Variants in NCOA6 observed in about 807,000 individuals in gnomAD.
NCOA6 encodes NRC RAP250.
In NCOA6, 49 loss-of-function variants were observed where a neutral mutation model predicts 171.4. That is an observed-to-expected ratio of 0.29 (90% CI 0.23 to 0.36). The LOEUF (loss-of-function observed/expected upper bound fraction) is 0.36. NCOA6 is among the 10% of genes least tolerant of loss of function. The probability of loss-of-function intolerance (pLI) is 1.00; values close to 1 mark genes in which losing one functional copy is unlikely to be tolerated. For synonymous variants in NCOA6, 910 were observed against 927.5 expected (o/e 0.98, Z 0.34); for missense variants, 2,248 against 2,554.5 (o/e 0.88, Z 2.59).
intron 14 of NCOA6, among the ~76,000 whole-genome samples, chr20:34,725,266 A>G (rs1285238595): frequency 1.3e-5 from 2 of 152,268 alleles, no homozygotes; most frequent in Non-Finnish European, 1.5e-5. Context: ...CTCCTGCCCT[A>G]ACCAAGTATA....
Position 34,742,465 on chromosome 20 carries a change from G to A in NCOA6, c.3791C>T (p.Pro1264Leu), listed in dbSNP as rs1211011087. ...PQINIPLPPR[P>L]NLNRGFDQQG... is the part of the protein sequence containing the mutation. The stretch of plus-strand genomic sequence containing the variant: ...TTGATCAAAGCCCCTGTTTAAATTT[G>A]GCCTAGGAGGTAAAGGAATATTAAT... Residue 1264 changes from proline to leucine, a missense_variant, in exon 11 of 15, where the codon CCA (proline) becomes CTA (leucine). Pro to Leu is a moderately conservative substitution (Grantham distance 98). This residue lies in a region of NCOA6 where 14 missense variants were observed against 17.6 expected (regional missense o/e 0.80). Coordinates refer to ENST00000359003, the MANE Select transcript of NCOA6 (RefSeq NM_014071.5). 1 of 1,614,154 alleles carries A rather than the reference G, an allele frequency of 6.2e-7. No individual in the cohort carries two copies. The highest frequency in any genetic ancestry group is 8.5e-7 in the Non-Finnish European group (1 of 1,180,020).
At position 34,758,785 on chromosome 20, in the gene NCOA6, C is replaced by A. The variant is rs1201014481; in HGVS notation, c.643+20G>T. ...CAGAAAGTTTCAGACTCTTCATCCT[C>A]AAAGATTGGAAGTCATTACCTGACT... On this transcript the variant is annotated intron_variant, in intron 6 of 14. Coordinates refer to ENST00000359003, the MANE Select transcript of NCOA6 (RefSeq NM_014071.5). 6.2e-7 allele frequency: 1 copy of A among 1,610,270 alleles called. No homozygotes were observed. Among genetic ancestry groups the A allele is most frequent in the East Asian group, 2.2e-5 (1 of 44,850 alleles).
intron 1 of NCOA6, among the ~76,000 whole-genome samples, chr20:34,806,137 G>T (rs1208889879): frequency 6.6e-6 from 1 of 152,118 alleles, no homozygotes; most frequent in Non-Finnish European, 1.5e-5. Flanking sequence ...ATCTCATTGT[G>T]GTTTTGATTT....
intron 5 of NCOA6, among the ~76,000 whole-genome samples, chr20:34,763,225 A>AG (rs2076870918): frequency 6.6e-6 from 1 of 152,148 alleles, no homozygotes; most frequent in Non-Finnish European, 1.5e-5. Flanking sequence ...TATCTTCTTC[A>AG]GGAACTCTTT....
intron 1 of NCOA6, among the ~76,000 whole-genome samples, chr20:34,794,255 C>T (rs2077989472): frequency 6.6e-6 from 1 of 152,054 alleles, no homozygotes; most frequent in Non-Finnish European, 1.5e-5. Context: ...CTGTAAATAG[C>T]CACTGCACTC....
Position 34,741,209 on chromosome 20 carries a change from G to A in NCOA6, c.5047C>T (p.Leu1683=). 6.2e-7 allele frequency: 1 copy of A among 1,614,272 alleles called. No individual in the cohort carries two copies. The highest frequency in any genetic ancestry group is 1.6e-4 in the Middle Eastern group (1 of 6,062). The change falls in exon 11 of 15, where the codon CTG becomes TTG. Residue 1683 remains leucine, a synonymous_variant. Coordinates refer to ENST00000359003, the MANE Select transcript of NCOA6 (RefSeq NM_014071.5). ...GGCATCAGGCCAGAGTTGGTTGTCA[G>A]TGGGGCTGCAGGAATTGTGCTTGGC... The part of the protein sequence containing the change: ...SQPSTIPAAP[L]TTNSGLMPPS...
intron 8 of NCOA6, among the ~76,000 whole-genome samples, chr20:34,753,122 A>G (rs908433809): frequency 1.3e-5 from 2 of 150,088 alleles, no homozygotes; most frequent in Non-Finnish European, 3.0e-5. Context: ...AGCTCACTGC[A>G]ACAACCTCTG....
At position 34,750,432 on chromosome 20, in the gene NCOA6, T is replaced by C. The variant is rs569540813; in HGVS notation, c.1763A>G (p.His588Arg). ...NMMQPSLMGIHGNMNNQQAGT... is the reference protein window; with the variant it reads ...NMMQPSLMGIRGNMNNQQAGT... ...AGCCTGCTGATTGTTCATGTTGCCA[T>C]GAATTCCCATGAGGCTGGGCTGCAT... The change falls in exon 9 of 15, where the codon CAT (histidine) becomes CGT (arginine). Residue 588 changes from histidine (H) to arginine (R), a missense_variant. Physicochemically the swap from His to Arg is conservative, Grantham distance 29. Around this residue, in one of 7 missense-constraint regions of NCOA6, gnomAD observed 987 missense variants for 1,104.7 expected, o/e 0.89. Transcript: ENST00000359003. The C allele has an allele frequency of 2.5e-6, 4 of 1,613,934 alleles. No homozygotes were observed. The highest frequency in any genetic ancestry group is 3.4e-6 in the Non-Finnish European group (4 of 1,180,012).
intron 10 of NCOA6, among the ~76,000 whole-genome samples, chr20:34,745,373 A>G (rs2076273029): frequency 6.6e-6 from 1 of 152,202 alleles, no homozygotes; most frequent in Admixed American, 6.5e-5. Flanking sequence ...TGGGATTCTT[A>G]TAAGAAGAGT....
chr20:34,719,271 C>G (rs571247972), intron 14 of NCOA6, among the ~76,000 whole-genome samples: 1 of 152,212 alleles, frequency 6.6e-6, no homozygotes, highest in East Asian at 1.9e-4. Flanking sequence ...GGACTTTGAC[C>G]TTGCTCACAT....
At chr20:34,800,097 A>C (rs1489666479) in intron 1 of NCOA6, among the ~76,000 whole-genome samples, 1 of 152,174 alleles carries the variant, frequency 6.6e-6, no homozygotes, top group Non-Finnish European at 1.5e-5. Flanking sequence ...GGGGGGAACA[A>C]AGTTAGTATG....
intron 1 of NCOA6, among the ~76,000 whole-genome samples, chr20:34,817,580 A>C (rs2078884381): frequency 1.3e-5 from 2 of 152,184 alleles, no homozygotes; most frequent in Non-Finnish European, 2.9e-5. Context: ...TAATTAACTC[A>C]GAATGTTTAT....
intron 1 of NCOA6, chr20:34,809,384 T>C: frequency 2.5e-6 from 1 of 398,278 alleles, no homozygotes; most frequent in Non-Finnish European, 4.4e-6. Flanking sequence ...CTATTTATAA[T>C]CCAATCCTTT....
At chr20:34,814,783 G>A (rs2078777153) in intron 1 of NCOA6, among the ~76,000 whole-genome samples, 1 of 152,070 alleles carries the variant, frequency 6.6e-6, no homozygotes, top group South Asian at 2.1e-4. Context: ...GGAGAGACGG[G>A]GTTTCACCAT....
chr20:34,761,003 T>C (rs2076799477), intron 5 of NCOA6, among the ~76,000 whole-genome samples: 1 of 152,080 alleles, frequency 6.6e-6, no homozygotes. Flanking sequence ...GGTAGATCAC[T>C]TGAGATCAGG....
chr20:34,726,357 C>G (rs1014265359), intron 14 of NCOA6, among the ~76,000 whole-genome samples: 2 of 151,982 alleles, frequency 1.3e-5, no homozygotes, highest in Non-Finnish European at 2.9e-5. Context: ...GTCAGGGTCT[C>G]TACCAAGAGA....
At chr20:34,722,212 C>G (rs1165321381) in intron 14 of NCOA6, among the ~76,000 whole-genome samples, 2 of 151,430 alleles carry the variant, frequency 1.3e-5, no homozygotes, top group Non-Finnish European at 2.9e-5. Flanking sequence ...GAAACCCTAT[C>G]TCTACTAAAA....
intron 1 of NCOA6, among the ~76,000 whole-genome samples, chr20:34,794,189 G>A (rs2077987781): frequency 6.6e-6 from 1 of 152,166 alleles, no homozygotes; most frequent in South Asian, 2.1e-4. Context: ...GAGAGGCTAA[G>A]ACAGGAGGAC....
chr20:34,748,885 T>C (rs558279460), intron 9 of NCOA6, among the ~76,000 whole-genome samples: 11 of 152,328 alleles, frequency 7.2e-5, no homozygotes, highest in African/African-American at 7.2e-5. Flanking sequence ...GGTTCCCCAA[T>C]AGCCATCATA....
Sources: gnomAD v4.1 joint callset for allele counts (sites outside exome capture counted in the v4.1 genomes callset) on GRCh38, gnomAD v4.1.1 for gene constraint, gnomAD v4.1.1 regional missense constraint, MANE v1.5 for transcripts, NCBI Gene and HGNC (gene_info 2026-07-23, HGNC 2026-07-21) for gene names.